Variants in ABCG1 observed in about 807,000 individuals in gnomAD.
The protein encoded by ABCG1 is ATP-binding cassette sub-family G member 1.
In ABCG1, 29 loss-of-function variants were observed where a neutral mutation model predicts 69.2. That is an observed-to-expected ratio of 0.42 (90% CI 0.31 to 0.57). ABCG1 has a LOEUF of 0.57. ABCG1 is among the 20% of genes least tolerant of loss of function. ABCG1 has a pLI of 0.15. For synonymous variants in ABCG1, 370 were observed against 374.8 expected, an observed-to-expected ratio of 0.99 and a Z score of 0.15; for missense variants, 718 against 898.1, an observed-to-expected ratio of 0.80 and a Z score of 2.56.
chr21:42,267,362 G>T (rs549860174), intron 2 of ABCG1, among the ~76,000 whole-genome samples: 6 of 150,224 alleles, frequency 4.0e-5, no homozygotes, highest in African/African-American at 1.5e-4. Flanking sequence ...GTCTGGGTCT[G>T]GTTTGGGTTC....
chr21:42,221,062 T>G (rs1015168223), intron 1 of ABCG1: 2 of 152,166 alleles, frequency 1.3e-5, no homozygotes, highest in African/African-American at 4.8e-5. Context: ...TGTTATCACG[T>G]GGAGACAGTA....
At chr21:42,282,098 C>T (rs1334438248) in intron 5 of ABCG1, among the ~76,000 whole-genome samples, 176 bp from the exon 6 acceptor site, 1 of 152,258 alleles carries the variant, frequency 6.6e-6, no homozygotes, top group Non-Finnish European at 1.5e-5. Context: ...GAAATGGCAC[C>T]TGCCCCACTT....
Position 42,291,288 on chromosome 21 carries a change from A to G in ABCG1, c.1494+96A>G, listed in dbSNP as rs755917460. 96 of 1,190,566 alleles carry G rather than the reference A, an allele frequency of 8.1e-5. No individual in the cohort carries two copies. Among genetic ancestry groups the G allele is most frequent in the Non-Finnish European group, 1.1e-4 (94 of 823,076 alleles). 73.8% of individuals were successfully genotyped at this position (1,190,566 alleles called of 1,614,324 possible). The stretch of plus-strand genomic sequence containing the variant: ...GAGGACCTGCCAGGGATGCAGGGTG[A>G]CATGGCCCGACTTCGGGAGCTCTGG... On this transcript the variant is annotated intron_variant, in intron 12 of 14. Coordinates refer to ENST00000398449, the MANE Select transcript of ABCG1 (RefSeq NM_016818.3). This position sits in a 1 kb window ranked among gnomAD's most constrained non-coding sequence, Gnocchi z 6.4.
At chr21:42,223,848 G>A (rs2067770569) in intron 1 of ABCG1, among the ~76,000 whole-genome samples, 2 of 152,176 alleles carry the variant, frequency 1.3e-5, no homozygotes, top group African/African-American at 4.8e-5. Flanking sequence ...GTATTAGTGT[G>A]GGCTTCAGCC....
At chr21:42,262,742 C>T (rs2123696411) in intron 2 of ABCG1, among the ~76,000 whole-genome samples, 1 of 152,344 alleles carries the variant, frequency 6.6e-6, no homozygotes, top group East Asian at 1.9e-4. Context: ...AATCTTGGAT[C>T]CTCTGCTGAC....
At chr21:42,232,558 C>T (rs1200758846) in intron 2 of ABCG1, among the ~76,000 whole-genome samples, 2 of 152,200 alleles carry the variant, frequency 1.3e-5, no homozygotes, top group Non-Finnish European at 2.9e-5. Context: ...ACCATCTGGC[C>T]CCTTCAGTGC....
chr21:42,242,711 C>G (rs2068069918), intron 2 of ABCG1, among the ~76,000 whole-genome samples: 1 of 152,184 alleles, frequency 6.6e-6, no homozygotes, highest in South Asian at 2.1e-4. Context: ...TTCACACTTT[C>G]CACATCCCAG....
chr21:42,288,386 G>T lies in ABCG1; in HGVS notation c.1224+74G>T. ...TTTCTCAGACTCGTCCTGACGGAAT[G>T]TGTTCGTTCATTCTCACATTGCTAT... On this transcript the variant is annotated intron_variant, in intron 10 of 14. Coordinates refer to ENST00000398449, the MANE Select transcript of ABCG1 (RefSeq NM_016818.3). The surrounding 1 kb of genome is among the most constrained non-coding windows in gnomAD (Gnocchi z 4.8). 1 of 1,128,550 alleles carries T rather than the reference G, an allele frequency of 8.9e-7. No homozygotes were observed. The highest frequency in any genetic ancestry group is 1.3e-6 in the Non-Finnish European group (1 of 761,982). 69.9% of individuals were successfully genotyped at this position (1,128,550 alleles called of 1,614,324 possible). A position where few individuals can be genotyped will look rare whatever the true frequency, so the allele number is the denominator to read the frequency against.
In ABCG1 at chr21:42,291,471, C is replaced by G. The variant is rs200451828; in HGVS notation, c.1495-27C>G. The G allele has an allele frequency of 6.3e-7, 1 of 1,593,004 alleles. No individual in the cohort carries two copies. The highest frequency in any genetic ancestry group is 1.3e-5 in the African/African-American group (1 of 74,770). On this transcript the variant is annotated intron_variant, in intron 12 of 14. Coordinates refer to ENST00000398449, the MANE Select transcript of ABCG1 (RefSeq NM_016818.3). The surrounding 1 kb of genome is among the most constrained non-coding windows in gnomAD (Gnocchi z 6.4). The stretch of plus-strand genomic sequence containing the variant: ...CTGCTGTGGTGGGAAGCGGCTGAGC[C>G]CGCGGCTGACGGGTCCTTGTTTCCA...
rs1327565571 is a variant in ABCG1 at position 42,287,160 on chromosome 21, G to A, written c.974-729G>A. 2.6e-5 allele frequency among the ~76,000 whole-genome samples: 4 copies of A among 152,178 alleles called. No homozygotes were observed. The highest frequency in any genetic ancestry group is 1.3e-4 in the Admixed American group (2 of 15,288). ...ACAGGGAGGACACAGAGGCAGGAGA[G>A]GGCAGAGGGGTTGGGAGAAAGCAGA... On this transcript the variant is annotated intron_variant, in intron 8 of 14. Coordinates refer to ENST00000398449, the MANE Select transcript of ABCG1 (RefSeq NM_016818.3). The surrounding 1 kb of genome is among the most constrained non-coding windows in gnomAD (Gnocchi z 6.2).
Position 42,201,682 on chromosome 21 carries a change from G to C in ABCG1, c.7G>C (p.Gly3Arg), listed in dbSNP as rs868488482. 3 of 1,613,022 alleles carry C rather than the reference G, an allele frequency of 1.9e-6. No individual in the cohort carries two copies. The Middle Eastern group carries it at 5.0e-4, about 266-fold the overall frequency. The change falls in exon 2 of 16, where the codon GGA becomes CGA. Residue 3 changes from glycine to arginine, a missense_variant. Transcript: ENST00000398457. The stretch of plus-strand genomic sequence containing the variant: ...GTGCCAGGAGCTGTTCTTGATGCTG[G>C]GAACGCAGGGGTGGACAAAACAGAG...
rs1297808720 is a variant in ABCG1, at chr21:42,288,774, G to A, written c.1224+462G>A. Among the ~76,000 whole-genome samples the A allele has an allele frequency of 6.6e-6, 1 of 151,632 alleles. No homozygotes were observed. Among genetic ancestry groups the A allele is most frequent in the Non-Finnish European group, 1.5e-5 (1 of 67,906 alleles). ...GAGAAAGGAAGGGAAGGGAAGGAAA[G>A]GAAAGGAAAAAAGAAAGAAAGAAAG... On this transcript the variant is annotated intron_variant, in intron 10 of 14. Transcript: ENST00000398449. The surrounding 1 kb of genome is among the most constrained non-coding windows in gnomAD (Gnocchi z 4.8).
chr21:42,255,115 G>T (rs996099868), intron 2 of ABCG1, among the ~76,000 whole-genome samples: 1 of 152,218 alleles, frequency 6.6e-6, no homozygotes, highest in Non-Finnish European at 1.5e-5. Context: ...TAAAAATACC[G>T]CAGGGATGGA....
chr21:42,284,759 AC>A, intron 7 of ABCG1, 76 bp downstream of exon 7: 1 of 1,547,718 alleles, frequency 6.5e-7, no homozygotes, highest in Non-Finnish European at 8.7e-7. Context: ...AACCCTGGGT[AC>A]CCACTGCCTT....
rs554845864 is a variant in ABCG1 at position 42,288,783 on chromosome 21, A to AAAAG, written c.1224+487_1224+490dup. ...AGGGAAGGGAAGGAAAGGAAAGGAA[A>AAAAG]AAAGAAAGAAAGAAAGAAATGCCTG... On this transcript the variant is annotated intron_variant, in intron 10 of 14. Transcript: ENST00000398449. The surrounding 1 kb of genome is among the most constrained non-coding windows in gnomAD (Gnocchi z 4.8). 4.0e-4 allele frequency among the ~76,000 whole-genome samples: 61 copies of AAAAG among 152,090 alleles called. No homozygotes were observed. The highest frequency in any genetic ancestry group is 7.4e-4 in the Non-Finnish European group (50 of 67,992).
Position 42,225,519 on chromosome 21 carries a change from G to A in ABCG1, c.43-152G>A, listed in dbSNP as rs2067801130. ...CGGAGATGACAAATTCCTCTAGGTG[G>A]GCACATTTCTCCTGGGGCCAAAGGT... On this transcript the variant is annotated intron_variant, in intron 1 of 14. Coordinates refer to ENST00000398449, the MANE Select transcript of ABCG1 (RefSeq NM_016818.3). The A allele has an allele frequency of 4.4e-6, 4 of 918,022 alleles. No individual in the cohort carries two copies. The South Asian group carries it at 5.0e-5, about 11-fold the overall frequency. The allele number at this position is 918,022 out of a possible 1,614,324, so 56.9% of individuals were successfully genotyped here. A position where few individuals can be genotyped will look rare whatever the true frequency, so the allele number is the denominator to read the frequency against.
At chr21:42,210,364 T>C (rs2067576943) in intron 2 of ABCG1, among the ~76,000 whole-genome samples, 1 of 152,022 alleles carries the variant, frequency 6.6e-6, no homozygotes. Flanking sequence ...AGTTACTTCC[T>C]AGCAGGTATT....
At chr21:42,282,664 C>T (rs887312322) in intron 6 of ABCG1, among the ~76,000 whole-genome samples, 3 of 152,254 alleles carry the variant, frequency 2.0e-5, no homozygotes, top group African/African-American at 4.8e-5. Context: ...TTGGGGGAAA[C>T]GTCCTTTCAC....
intron 14 of ABCG1, chr21:42,294,979 G>A (rs961365561): frequency 1.9e-5 from 6 of 317,928 alleles, no homozygotes; most frequent in East Asian, 7.7e-5. Context: ...CTTCCTCCCC[G>A]AAGTGCCGAG....
Sources: allele counts gnomAD v4.1 joint callset (sites outside exome capture counted in the v4.1 genomes callset), GRCh38; gene constraint gnomAD v4.1.1; non-coding constraint Gnocchi (gnomAD v3.1); transcripts MANE v1.5; gene names NCBI Gene and HGNC (gene_info 2026-07-23, HGNC 2026-07-21).